ELOVL2: variants seen among roughly 807,000 people sequenced by gnomAD.
ELOVL2 encodes the protein ELOVL fatty acid elongase 2, also known as very long chain fatty acid elongase 2.
Under a neutral mutation model 37.7 loss-of-function variants are expected in ELOVL2, and 38 were observed. That is an observed-to-expected ratio of 1.01 (90% CI 0.78 to 1.32). The LOEUF (loss-of-function observed/expected upper bound fraction) is 1.32, where lower values mean the gene tolerates loss of function less well. ELOVL2 is among the 40% of genes most tolerant of loss of function. The probability of loss-of-function intolerance (pLI) is 0.00; values close to 1 mark genes in which losing one functional copy is unlikely to be tolerated. For missense variants in ELOVL2, 352 were observed against 363.6 expected (o/e 0.97, Z 0.26); for synonymous variants, 115 against 122.3 (o/e 0.94, Z 0.40).
chr6:11,016,304 AG>A (rs1177203156), intron 1 of ELOVL2, among the ~76,000 whole-genome samples: 1 of 151,710 alleles, frequency 6.6e-6, no homozygotes, highest in Non-Finnish European at 1.5e-5. Context: ...ATAGTTTTAT[AG>A]AACATTTTAA....
intron 7 of ELOVL2, among the ~76,000 whole-genome samples, chr6:10,984,297 C>T (rs1457773094): frequency 6.6e-6 from 1 of 152,082 alleles, no homozygotes; most frequent in Non-Finnish European, 1.5e-5. Context: ...AGATTACAGG[C>T]GTGAGCCACT....
At chr6:11,021,624 A>C (rs1782766585) in intron 1 of ELOVL2, among the ~76,000 whole-genome samples, 1 of 152,372 alleles carries the variant, frequency 6.6e-6, no homozygotes, top group Middle Eastern at 3.4e-3. Flanking sequence ...AATACTAAAA[A>C]TATACACACC....
At chr6:10,998,609 TGGGG>T (rs1782316446) in intron 4 of ELOVL2, among the ~76,000 whole-genome samples, 1 of 152,196 alleles carries the variant, frequency 6.6e-6, no homozygotes, top group Admixed American at 6.5e-5. Context: ...TTTTAGGCAG[TGGGG>T]TCCCTTCCAG....
At chr6:11,020,295 T>C (rs1782746383) in intron 1 of ELOVL2, among the ~76,000 whole-genome samples, 1 of 152,168 alleles carries the variant, frequency 6.6e-6, no homozygotes, top group Admixed American at 6.5e-5. Context: ...ATGACCCTGT[T>C]TGAGAAATTC....
intron 1 of ELOVL2, among the ~76,000 whole-genome samples, chr6:11,031,377 A>C (rs1202392735): frequency 6.6e-6 from 1 of 152,212 alleles, no homozygotes; most frequent in Non-Finnish European, 1.5e-5. Flanking sequence ...GGAACTTGCT[A>C]CTGTCAGAAT....
At position 11,029,214 on chromosome 6, in the gene ELOVL2, G is replaced by A. The variant is rs544015077; in HGVS notation, c.3+15014C>T. Among the ~76,000 whole-genome samples, 361 of 115,592 alleles carry A rather than the reference G, an allele frequency of 3.1e-3. 1 individual carries two copies. The highest frequency in any genetic ancestry group is 0.014 in the African/African-American group (347 of 25,692). The allele number at this position is 115,592 out of a possible 152,430, so 75.8% of individuals were successfully genotyped here. On this transcript the variant is annotated intron_variant, in intron 1 of 7. Coordinates refer to ENST00000354666, the MANE Select transcript of ELOVL2 (RefSeq NM_017770.4). ...CTGCACTTCAGCCCGGGGCGACAGAGGGAGATCTCAAAAAAAAAAAAAAAA... is the reference window on the plus strand; with the variant it reads ...CTGCACTTCAGCCCGGGGCGACAGAAGGAGATCTCAAAAAAAAAAAAAAAA...
At position 11,027,349 on chromosome 6, in the gene ELOVL2, G is replaced by A. The variant is rs947137713; in HGVS notation, c.4-16540C>T. ...CTTTTTTTAAACCTCAGATGAGTAG[G>A]AGCAGCTTATTGGCTCTCGTCATAT... On this transcript the variant is annotated intron_variant, in intron 1 of 7. Coordinates refer to ENST00000354666, the MANE Select transcript of ELOVL2 (RefSeq NM_017770.4). 2.6e-5 allele frequency among the ~76,000 whole-genome samples: 4 copies of A among 152,038 alleles called. No homozygotes were observed. The South Asian group carries it at 8.3e-4, about 32-fold the overall frequency.
At chr6:11,008,861 G>C (rs192036281) in intron 2 of ELOVL2, among the ~76,000 whole-genome samples, 1 of 152,282 alleles carries the variant, frequency 6.6e-6, no homozygotes, top group African/African-American at 2.4e-5. Context: ...AGAGCCCATG[G>C]AGAAAATGGA....
chr6:10,986,957 C>T (rs9468178), intron 7 of ELOVL2, among the ~76,000 whole-genome samples: 4,333 of 152,144 alleles, frequency 0.028, 178 homozygotes, highest in East Asian at 0.19. Flanking sequence ...TGGTAGAATT[C>T]GGCTGTGAAT....
chr6:11,034,406 G>T (rs1030457356), intron 1 of ELOVL2, among the ~76,000 whole-genome samples: 1 of 148,800 alleles, frequency 6.7e-6, no homozygotes, highest in Admixed American at 6.7e-5. Flanking sequence ...CTTACTGCCG[G>T]GCATGGTGGC....
chr6:11,027,443 T>G (rs1041938885), intron 1 of ELOVL2, among the ~76,000 whole-genome samples: 1 of 152,218 alleles, frequency 6.6e-6, no homozygotes, highest in Non-Finnish European at 1.5e-5. Context: ...ATAATTCTGA[T>G]AGAAATTTAC....
intron 1 of ELOVL2, among the ~76,000 whole-genome samples, chr6:11,030,714 G>C (rs966397880): frequency 1.3e-5 from 2 of 152,002 alleles, no homozygotes; most frequent in African/African-American, 2.4e-5. Flanking sequence ...GAATGGTCTC[G>C]ATCTCCTGAC....
At chr6:11,001,855 G>C (rs772744513) in intron 3 of ELOVL2, among the ~76,000 whole-genome samples, 21 of 152,150 alleles carry the variant, frequency 1.4e-4, no homozygotes, top group Non-Finnish European at 2.5e-4. Context: ...AATAGGGTTA[G>C]GTGTAAGGAG....
chr6:10,991,326 G>C (rs572915196), intron 5 of ELOVL2, among the ~76,000 whole-genome samples: 1 of 152,344 alleles, frequency 6.6e-6, no homozygotes, highest in Non-Finnish European at 1.5e-5. Context: ...CTCTTCAGCT[G>C]TCAGCCTGGG....
chr6:11,038,280 A>G (rs1024768408), intron 1 of ELOVL2, among the ~76,000 whole-genome samples: 12 of 152,190 alleles, frequency 7.9e-5, no homozygotes, highest in African/African-American at 2.9e-4. Context: ...TACTTGAATC[A>G]TATTTAAGTT....
chr6:11,005,572 A>G lies in ELOVL2; in HGVS notation c.68-13T>C, dbSNP rs765226267. ...CTGACTCGAGAATCTGAAAAGAAAC[A>G]CATACAGTGAGGATCCTGAGGAATG... On this transcript the variant is annotated splice_polypyrimidine_tract_variant and intron_variant, in intron 2 of 7. Coordinates refer to ENST00000354666, the MANE Select transcript of ELOVL2 (RefSeq NM_017770.4). 1 of 1,607,342 alleles carries G rather than the reference A, an allele frequency of 6.2e-7. No homozygotes were observed. The highest frequency in any genetic ancestry group is 1.7e-5 in the Admixed American group (1 of 59,678).
rs1271697106 is a variant in ELOVL2, at chr6:11,000,065, T to G, written c.333+22A>C. The stretch of plus-strand genomic sequence containing the variant: ...TCAATGGGAACTGGTTATAGTTGGT[T>G]GATTTGCTTCTAGTGGCTCACCCGG... On this transcript the variant is annotated intron_variant, in intron 4 of 7. Transcript: ENST00000354666. 3 of 1,612,104 alleles carry G rather than the reference T, an allele frequency of 1.9e-6. No homozygotes were observed. The East Asian group carries it at 6.7e-5, about 36-fold the overall frequency.
intron 2 of ELOVL2, among the ~76,000 whole-genome samples, chr6:11,006,310 C>A (rs1782482817): frequency 6.6e-6 from 1 of 152,088 alleles, no homozygotes; most frequent in South Asian, 2.1e-4. Context: ...ACATCAGGGC[C>A]CCTTACACTG....
intron 4 of ELOVL2, among the ~76,000 whole-genome samples, chr6:10,996,748 C>G (rs1470827932): frequency 6.6e-6 from 1 of 151,582 alleles, no homozygotes; most frequent in Non-Finnish European, 1.5e-5. Flanking sequence ...GAGGCTGAGG[C>G]AGGTGCATCA....
Sources: allele counts gnomAD v4.1 joint callset (sites outside exome capture counted in the v4.1 genomes callset), GRCh38; gene constraint gnomAD v4.1.1; transcripts MANE v1.5; gene names NCBI Gene and HGNC (gene_info 2026-07-23, HGNC 2026-07-21).